DRC7: variants seen among roughly 807,000 people sequenced by gnomAD.
The protein encoded by DRC7 is dynein regulatory complex subunit 7.
DRC7 carries 80 observed loss-of-function variants against 104.4 expected under a neutral mutation model. The ratio of observed to expected loss-of-function variants is 0.77; its 90% CI spans 0.64 to 0.92. The LOEUF (loss-of-function observed/expected upper bound fraction) is 0.92. Ranked by LOEUF, DRC7 falls within the 40% of genes least tolerant of loss-of-function variation. The probability of loss-of-function intolerance (pLI) is 0.00; values close to 1 mark genes in which losing one functional copy is unlikely to be tolerated. For synonymous variants in DRC7, 405 were observed against 447.3 expected, an observed-to-expected ratio of 0.91 and a Z score of 1.19; for missense variants, 1,034 against 1,141.1, an observed-to-expected ratio of 0.91 and a Z score of 1.35.
intron 13 of DRC7, 88 bp from the exon 14 acceptor site, chr16:57,725,980 G>C: frequency 1.8e-6 from 2 of 1,132,786 alleles, no homozygotes; most frequent in Non-Finnish European, 2.6e-6. Flanking sequence ...TGTCCTGAAC[G>C]TTCGTTGCTC....
In DRC7 at chr16:57,722,836, T is replaced by A; in HGVS notation, c.1403T>A (p.Leu468Ter). Residue 468 changes from leucine (L) to a stop codon, truncating the protein, a stop_gained, in exon 11 of 19, where the codon TTG (leucine) becomes TAG (stop). Coordinates refer to ENST00000360716, the MANE Select transcript of DRC7 (RefSeq NM_001289162.2). LOFTEE classifies it high-confidence loss of function. ...LVSRLTTYED[L>*]QCTNILEIKE... ...AGCCGCCTCACCACCTATGAGGACT[T>A]GCAGTGTAAGGGGGATTGCTCTGGA... 6.2e-7 allele frequency: 1 copy of A among 1,613,724 alleles called. No homozygotes were observed. The highest frequency in any genetic ancestry group is 8.5e-7 in the Non-Finnish European group (1 of 1,179,992).
chr16:57,705,103 G>T, intron 7 of DRC7, 69 bp downstream of exon 7: 5 of 1,529,100 alleles, frequency 3.3e-6, no homozygotes, highest in East Asian at 2.3e-5. Flanking sequence ...GGGAAAAGAG[G>T]CATAGGTCAT....
chr16:57,703,492 C>T (rs1374021654), intron 6 of DRC7, among the ~76,000 whole-genome samples: 8 of 152,136 alleles, frequency 5.3e-5, no homozygotes, highest in African/African-American at 1.9e-4. Flanking sequence ...CTGAGGCATC[C>T]AGCAGGATCA....
intron 8 of DRC7, among the ~76,000 whole-genome samples, chr16:57,717,418 G>T (rs2048855958): frequency 7.0e-6 from 1 of 143,878 alleles, no homozygotes; most frequent in South Asian, 2.1e-4. Flanking sequence ...AAAAAAAAAG[G>T]CCAGGCACGG....
chr16:57,712,192 T>C (rs1241197761), intron 8 of DRC7, among the ~76,000 whole-genome samples: 2 of 152,194 alleles, frequency 1.3e-5, no homozygotes, highest in South Asian at 2.1e-4. Flanking sequence ...TGGAGTCGAT[T>C]GAGATCTCTT....
chr16:57,726,753 G>A, intron 14 of DRC7, 79 bp from the exon 15 acceptor site: 1 of 801,570 alleles, frequency 1.2e-6, no homozygotes, highest in Admixed American at 2.2e-5. Flanking sequence ...GAAAGTGGCA[G>A]GGGTAGATTT....
intron 13 of DRC7, 72 bp downstream of exon 13, chr16:57,724,907 G>A (rs2048946748): frequency 8.0e-7 from 1 of 1,253,054 alleles, no homozygotes; most frequent in Non-Finnish European, 1.1e-6. Context: ...TGAATGGTGA[G>A]AGCCCTGGCT....
intron 8 of DRC7, among the ~76,000 whole-genome samples, chr16:57,717,614 G>C (rs568798360): frequency 2.0e-5 from 3 of 151,346 alleles, no homozygotes; most frequent in Admixed American, 1.3e-4. Flanking sequence ...CAGGAAAATC[G>C]CTTGAACCTG....
Position 57,700,125 on chromosome 16 carries a change from C to T in DRC7, c.379-20C>T. ...GTTCTTATTGCCTTGACCCCACTGG[C>T]ACCATCTCTCTCCTTGCAGAAGTTC... On this transcript the variant is annotated intron_variant, in intron 4 of 18. Coordinates refer to ENST00000360716, the MANE Select transcript of DRC7 (RefSeq NM_001289162.2). 2 of 1,611,904 alleles carry T rather than the reference C, an allele frequency of 1.2e-6. No homozygotes were observed. The highest frequency in any genetic ancestry group is 8.5e-7 in the Non-Finnish European group (1 of 1,178,460).
rs1567889654 is a variant in DRC7, at chr16:57,728,411, CA to C, written c.2219del (p.His740ProfsTer25). The C allele has an allele frequency of 6.2e-7, 1 of 1,603,364 alleles. No individual in the cohort carries two copies. Among genetic ancestry groups the C allele is most frequent in the East Asian group, 2.2e-5 (1 of 44,598 alleles). ...ACAGGAGCGCATGATGCACGAAGAGCACCTGCGGCAGGTGGAGACCCAGCTG... is the reference window on the plus strand; with the variant it reads ...ACAGGAGCGCATGATGCACGAAGAGCCCTGCGGCAGGTGGAGACCCAGCTG... ...EAMERMMHEE[H>X]LRQVETQLDY... On this transcript the variant is annotated frameshift_variant, in exon 17 of 19. Transcript: ENST00000360716. LOFTEE classifies it high-confidence loss of function.
chr16:57,700,508 G>A (rs143138865), intron 5 of DRC7, among the ~76,000 whole-genome samples: 2,901 of 152,154 alleles, frequency 0.019, 105 homozygotes, highest in African/African-American at 0.066. Context: ...TTAGCAGGGC[G>A]TGGTGGCACA....
At chr16:57,697,809 T>C in intron 2 of DRC7, 104 bp from the exon 3 acceptor site, 3 of 1,304,086 alleles carry the variant, frequency 2.3e-6, no homozygotes, top group Non-Finnish European at 2.1e-6. Flanking sequence ...GTTCGACACC[T>C]CCTCAAAACC....
chr16:57,700,656 CAAA>C (rs59120133), intron 5 of DRC7, among the ~76,000 whole-genome samples: 1 of 88,612 alleles, frequency 1.1e-5, no homozygotes, highest in Non-Finnish European at 2.2e-5. Flanking sequence ...AAAACTCTCT[CAAA>C]AAAAAAAAAA....
intron 9 of DRC7, 43 bp from the exon 10 acceptor site, chr16:57,721,624 C>T (rs2048903506): frequency 6.7e-7 from 1 of 1,495,502 alleles, no homozygotes; most frequent in Non-Finnish European, 9.3e-7. Flanking sequence ...TGCTTCAACA[C>T]CCTGACCAGC....
intron 7 of DRC7, among the ~76,000 whole-genome samples, chr16:57,705,360 T>TCCTCCCATCCATCCTCCCATCTCC (rs2048701395): frequency 6.6e-6 from 1 of 150,822 alleles, no homozygotes; most frequent in Admixed American, 6.6e-5. Flanking sequence ...CTCCCATCTC[T>TCCTCCCATCCATCCTCCCATCTCC]CCTCCCATCC....
chr16:57,730,823 G>A (rs981471218), intron 17 of DRC7, 108 bp from the exon 18 acceptor site: 14 of 1,243,274 alleles, frequency 1.1e-5, no homozygotes, highest in African/African-American at 1.5e-5. Flanking sequence ...TGGGGACACT[G>A]GGGCCAACCG....
At chr16:57,727,260 G>A (rs1465237142) in intron 15 of DRC7, 39 bp from the exon 16 acceptor site, 3 of 1,510,460 alleles carry the variant, frequency 2.0e-6, no homozygotes, top group Non-Finnish European at 2.8e-6. Context: ...AGTGGAGGAG[G>A]GGTGTCTCCA....
intron 8 of DRC7, among the ~76,000 whole-genome samples, chr16:57,718,102 C>A (rs568349179): frequency 6.6e-6 from 1 of 152,340 alleles, no homozygotes; most frequent in East Asian, 1.9e-4. Context: ...CACGAGATTT[C>A]CTCACAGGGA....
chr16:57,715,334 G>A (rs2048831211), intron 8 of DRC7, among the ~76,000 whole-genome samples: 1 of 152,360 alleles, frequency 6.6e-6, no homozygotes, highest in East Asian at 1.9e-4. Context: ...ACAGGCATGA[G>A]CCACTGTACC....
Sources: allele counts gnomAD v4.1 joint callset (sites outside exome capture counted in the v4.1 genomes callset), GRCh38; gene constraint gnomAD v4.1.1; transcripts MANE v1.5; gene names NCBI Gene and HGNC (gene_info 2026-07-23, HGNC 2026-07-21).